PIGL: variants seen among roughly 807,000 people sequenced by gnomAD.
PIGL encodes the protein N-acetylglucosaminyl-phosphatidylinositol de-N-acetylase.
Under a neutral mutation model 31.1 loss-of-function variants are expected in PIGL, and 22 were observed. That is an observed-to-expected ratio of 0.71 (90% confidence interval 0.51 to 1.01). The LOEUF is 1.01. Ranked by LOEUF, PIGL falls within the 50% of genes least tolerant of loss-of-function variation. PIGL has a pLI of 0.00. For synonymous variants in PIGL, 131 were observed against 117.4 expected (o/e 1.12, Z -0.75); for missense variants, 302 against 315.9 (o/e 0.96, Z 0.33).
chr17:16,288,397 G>T (rs1197197568), intron 2 of PIGL, among the ~76,000 whole-genome samples: 2 of 152,084 alleles, frequency 1.3e-5, no homozygotes, highest in South Asian at 4.1e-4. Context: ...AGTAGAGATG[G>T]GGTTTCTCCG....
At chr17:16,246,504 C>T (rs2092747760) in intron 2 of PIGL, among the ~76,000 whole-genome samples, 1 of 150,594 alleles carries the variant, frequency 6.6e-6, no homozygotes, top group South Asian at 2.1e-4. Context: ...GAGTGAGACT[C>T]CGTCTCAAAA....
intron 2 of PIGL, among the ~76,000 whole-genome samples, chr17:16,282,264 T>G (rs529138147): frequency 1.3e-5 from 2 of 152,178 alleles, no homozygotes; most frequent in Non-Finnish European, 2.9e-5. Context: ...TCCTCCTTCT[T>G]GCCCACCATA....
chr17:16,280,758 T>G (rs1431901060), intron 2 of PIGL, among the ~76,000 whole-genome samples: 1 of 152,210 alleles, frequency 6.6e-6, no homozygotes, highest in East Asian at 1.9e-4. Flanking sequence ...CAGGCTGGAG[T>G]GCAGTGGCAC....
intron 2 of PIGL, among the ~76,000 whole-genome samples, chr17:16,259,099 T>C (rs530684396): frequency 1.1e-3 from 170 of 152,354 alleles, no homozygotes; most frequent in Non-Finnish European, 1.5e-3. Context: ...CAAGATGATG[T>C]GTTGCTACAT....
chr17:16,257,721 G>A (rs2092800255), intron 2 of PIGL, among the ~76,000 whole-genome samples: 1 of 151,738 alleles, frequency 6.6e-6, no homozygotes, highest in Admixed American at 6.6e-5. Flanking sequence ...TTTTTAATGG[G>A]GTTTGAGAGA....
At chr17:16,299,340 A>T (rs2142834131) in intron 2 of PIGL, among the ~76,000 whole-genome samples, 1 of 152,096 alleles carries the variant, frequency 6.6e-6, no homozygotes, top group South Asian at 2.1e-4. Context: ...CTGTAATCCC[A>T]GCTACTCAGG....
intron 2 of PIGL, among the ~76,000 whole-genome samples, chr17:16,254,357 C>T (rs938639426): frequency 1.3e-5 from 2 of 152,130 alleles, no homozygotes; most frequent in African/African-American, 2.4e-5. Flanking sequence ...CAACCTCTGC[C>T]TCCCGGGTTC....
intron 2 of PIGL, among the ~76,000 whole-genome samples, chr17:16,298,886 G>C (rs1350735333): frequency 6.6e-6 from 1 of 152,068 alleles, no homozygotes; most frequent in African/African-American, 2.4e-5. Context: ...AAATTAGCTG[G>C]GTGTGGTGGC....
intron 6 of PIGL, among the ~76,000 whole-genome samples, chr17:16,319,673 T>C (rs2093094476): frequency 6.6e-6 from 1 of 151,228 alleles, no homozygotes; most frequent in Admixed American, 6.6e-5. Flanking sequence ...GAGAATTGCT[T>C]GAACCCGGGA....
intron 2 of PIGL, among the ~76,000 whole-genome samples, chr17:16,241,505 T>A (rs1057158637): frequency 6.7e-6 from 1 of 149,300 alleles, no homozygotes; most frequent in East Asian, 2.0e-4. Context: ...AGGAGGACGG[T>A]GCAGTGAGCC....
intron 2 of PIGL, among the ~76,000 whole-genome samples, chr17:16,277,863 C>A (rs888604285): frequency 6.6e-6 from 1 of 152,142 alleles, no homozygotes; most frequent in Non-Finnish European, 1.5e-5. Flanking sequence ...TGATTAACAA[C>A]ATACACTAAG....
intron 2 of PIGL, among the ~76,000 whole-genome samples, chr17:16,247,071 G>C (rs2142717802): frequency 6.6e-6 from 1 of 152,088 alleles, no homozygotes; most frequent in East Asian, 1.9e-4. Context: ...GTTCTCACAT[G>C]CTGGAAAGAG....
In PIGL at chr17:16,326,049, C is replaced by A; in HGVS notation, c.*151C>A. 1.7e-6 allele frequency: 1 copy of A among 594,554 alleles called. No individual in the cohort carries two copies. Among genetic ancestry groups the A allele is most frequent in the Non-Finnish European group, 3.0e-6 (1 of 338,800 alleles). The allele number at this position is 594,554 out of a possible 1,614,324, so 36.8% of individuals were successfully genotyped here. On this transcript the variant is annotated 3_prime_UTR_variant, in exon 7 of 7. Coordinates refer to ENST00000225609, the MANE Select transcript of PIGL (RefSeq NM_004278.4). ...AAAGGGAGCCCATGTAGGCCAGGGG[C>A]TGTCCAAACTCCAGCTTCTTCCCCT...
intron 3 of PIGL, among the ~76,000 whole-genome samples, chr17:16,302,477 AC>A (rs1171682410): frequency 2.0e-5 from 3 of 152,062 alleles, no homozygotes; most frequent in Non-Finnish European, 4.4e-5. Context: ...ACTCCCTGGC[AC>A]CTCATTTTCC....
chr17:16,245,683 G>T (rs2092742230), intron 2 of PIGL, among the ~76,000 whole-genome samples: 1 of 151,080 alleles, frequency 6.6e-6, no homozygotes, highest in African/African-American at 2.4e-5. Context: ...GATTACAGGT[G>T]TGAGCCACTA....
intron 3 of PIGL, among the ~76,000 whole-genome samples, chr17:16,306,206 C>T (rs1386560090): frequency 6.6e-6 from 1 of 152,016 alleles, no homozygotes; most frequent in Non-Finnish European, 1.5e-5. Context: ...ACCTTGGCCT[C>T]CCAAAGTGTC....
At chr17:16,325,778 T>C in intron 6 of PIGL, 22 bp from the exon 7 acceptor site, 1 of 1,585,668 alleles carries the variant, frequency 6.3e-7, no homozygotes, top group East Asian at 2.2e-5. Flanking sequence ...GTTTCATAAC[T>C]GGTTCTCTTT....
At chr17:16,252,529 GT>G (rs531087604) in intron 2 of PIGL, among the ~76,000 whole-genome samples, 3 of 150,344 alleles carry the variant, frequency 2.0e-5, no homozygotes, top group Non-Finnish European at 3.0e-5. Flanking sequence ...ATCTGTGTAG[GT>G]TTTTTTTAGT....
At chr17:16,293,764 T>C (rs560484130) in intron 2 of PIGL, among the ~76,000 whole-genome samples, 6 of 152,166 alleles carry the variant, frequency 3.9e-5, no homozygotes, top group Non-Finnish European at 5.9e-5. Flanking sequence ...ACCTAAGAAA[T>C]AGAAGAATAA....
Sources: gnomAD v4.1 joint callset for allele counts (sites outside exome capture counted in the v4.1 genomes callset) on GRCh38, gnomAD v4.1.1 for gene constraint, MANE v1.5 for transcripts, NCBI Gene and HGNC (gene_info 2026-07-23, HGNC 2026-07-21) for gene names.